The following STAT4 variants were observed in gnomAD, a reference collection of about 807,000 sequenced individuals.
STAT4 encodes signal transducer and activator of transcription 4.
STAT4 carries 42 observed loss-of-function variants against 110.5 expected under a neutral mutation model. The observed-to-expected ratio is 0.38, with a 90% CI of 0.30 to 0.49. The LOEUF (loss-of-function observed/expected upper bound fraction) is 0.49, where lower values mean the gene tolerates loss of function less well. Among genes scored for constraint, STAT4 ranks in the 20% least tolerant of loss-of-function variants. STAT4 has a pLI of 0.95. For missense variants in STAT4, 632 were observed against 887.9 expected, an observed-to-expected ratio of 0.71 and a Z score of 3.66; for synonymous variants, 284 against 302.2, an observed-to-expected ratio of 0.94 and a Z score of 0.63.
intron 3 of STAT4, among the ~76,000 whole-genome samples, chr2:191,133,492 G>A (rs1250488661): frequency 6.6e-6 from 1 of 151,542 alleles, no homozygotes; most frequent in Non-Finnish European, 1.5e-5. Context: ...GATGGGAGCA[G>A]CAGTAGTAAT....
At chr2:191,041,358 G>A (rs1388043471) in intron 14 of STAT4, 8 of 221,330 alleles carry the variant, frequency 3.6e-5, no homozygotes, top group Non-Finnish European at 6.8e-5. Flanking sequence ...ATGATTTTAA[G>A]TCTTCAAAAC....
Position 191,082,500 on chromosome 2 carries a change from T to C in STAT4, c.274-6175A>G, listed in dbSNP as rs1183090398. Among the ~76,000 whole-genome samples, 2 of 152,258 alleles carry C rather than the reference T, an allele frequency of 1.3e-5. No individual in the cohort carries two copies. Among genetic ancestry groups the C allele is most frequent in the Non-Finnish European group, 2.9e-5 (2 of 68,048 alleles). ...ACAGGCAATGACAACGATGTTGTGA[T>C]TGCCACATGGCAACAGCAATTAAGA... On this transcript the variant is annotated intron_variant, in intron 3 of 23. Transcript: ENST00000392320. This position sits in a 1 kb window ranked among gnomAD's most constrained non-coding sequence, Gnocchi z 4.7.
At position 191,050,602 on chromosome 2, in the gene STAT4, T is replaced by C. The variant is rs1696493742; in HGVS notation, c.1251+3888A>G. Among the ~76,000 whole-genome samples the C allele has an allele frequency of 6.6e-6, 1 of 152,104 alleles. No homozygotes were observed. The highest frequency in any genetic ancestry group is 6.5e-5 in the Admixed American group (1 of 15,280). ...AATGAGTCCAAATGTTTTTTTTTTT[T>C]GACCTTGGTACATATTCTTGAAAGT... On this transcript the variant is annotated intron_variant, in intron 14 of 23. Transcript: ENST00000392320. This position sits in a 1 kb window ranked among gnomAD's most constrained non-coding sequence, Gnocchi z 4.3.
At chr2:191,096,326 T>A (rs1697981758) in intron 3 of STAT4, among the ~76,000 whole-genome samples, 1 of 152,154 alleles carries the variant, frequency 6.6e-6, no homozygotes, top group South Asian at 2.1e-4. Context: ...AAAAAGAGAA[T>A]TTTAGACCAA....
intron 14 of STAT4, among the ~76,000 whole-genome samples, chr2:191,052,436 T>G (rs961393211): frequency 1.3e-5 from 2 of 152,214 alleles, no homozygotes; most frequent in Non-Finnish European, 2.9e-5. Context: ...CTGATACGAC[T>G]GTATGATTTT....
intron 3 of STAT4, among the ~76,000 whole-genome samples, chr2:191,109,174 C>T (rs1698358986): frequency 6.6e-6 from 1 of 152,150 alleles, no homozygotes; most frequent in African/African-American, 2.4e-5. Context: ...GGGGAATTAT[C>T]TCCATTTCTA....
intron 3 of STAT4, among the ~76,000 whole-genome samples, chr2:191,108,327 C>T (rs2125354178): frequency 6.6e-6 from 1 of 150,510 alleles, no homozygotes; most frequent in East Asian, 1.9e-4. Context: ...GTTTACCTTA[C>T]AGAGAAGTAA....
chr2:191,077,174 A>G lies in STAT4; in HGVS notation c.274-849T>C, dbSNP rs541008221. Among the ~76,000 whole-genome samples the G allele has an allele frequency of 2.0e-5, 3 of 152,318 alleles. No individual in the cohort carries two copies. Among genetic ancestry groups the G allele is most frequent in the Non-Finnish European group, 4.4e-5 (3 of 68,014 alleles). On this transcript the variant is annotated intron_variant, in intron 3 of 23. Coordinates refer to ENST00000392320, the MANE Select transcript of STAT4 (RefSeq NM_003151.4). This position sits in a 1 kb window ranked among gnomAD's most constrained non-coding sequence, Gnocchi z 4.1. ...AAGGTTAATGATGCAGATACTGTAAATTGGCAGCCTGTGGGCCTAATTCAG... is the reference window on the plus strand; with the variant it reads ...AAGGTTAATGATGCAGATACTGTAAGTTGGCAGCCTGTGGGCCTAATTCAG...
At position 191,107,245 on chromosome 2, in the gene STAT4, C is replaced by T. The variant is rs1473682449; in HGVS notation, c.274-30920G>A. On this transcript the variant is annotated intron_variant, in intron 3 of 23. Transcript: ENST00000392320. This position sits in a 1 kb window ranked among gnomAD's most constrained non-coding sequence, Gnocchi z 4.2. ...TATCCCCAGGGTCAAACCTAGCATG[C>T]TGACCTCAATATGTACTTGAAGCAT... is the stretch of plus-strand genomic sequence containing the variant. 6.6e-6 allele frequency among the ~76,000 whole-genome samples: 1 copy of T among 152,188 alleles called. No homozygotes were observed. The highest frequency in any genetic ancestry group is 6.5e-5 in the Admixed American group (1 of 15,278).
rs528309386 is a variant in STAT4 at position 191,090,197 on chromosome 2, C to A, written c.274-13872G>T. ...GAAAGTATTCTCTGTACTTTTTGCTCAATTTTTCTGTAAACCAAAGATTGC... is the reference window on the plus strand; with the variant it reads ...GAAAGTATTCTCTGTACTTTTTGCTAAATTTTTCTGTAAACCAAAGATTGC... On this transcript the variant is annotated intron_variant, in intron 3 of 23. Coordinates refer to ENST00000392320, the MANE Select transcript of STAT4 (RefSeq NM_003151.4). The surrounding 1 kb of genome is among the most constrained non-coding windows in gnomAD (Gnocchi z 4.2). 6.6e-6 allele frequency among the ~76,000 whole-genome samples: 1 copy of A among 152,140 alleles called. No individual in the cohort carries two copies. The highest frequency in any genetic ancestry group is 2.4e-5 in the African/African-American group (1 of 41,530).
intron 3 of STAT4, among the ~76,000 whole-genome samples, chr2:191,095,357 T>G (rs1697940202): frequency 6.6e-6 from 1 of 152,180 alleles, no homozygotes; most frequent in African/African-American, 2.4e-5. Context: ...GACCACATAG[T>G]TGGAAGTAAA....
At position 191,036,184 on chromosome 2, in the gene STAT4, A is replaced by C. The variant is rs1314004125; in HGVS notation, c.1550T>G (p.Met517Arg). Residue 517 changes from methionine to arginine, a missense_variant, in exon 17 of 24, where the codon ATG becomes AGG. Around this residue, in one of 4 missense-constraint regions of STAT4, gnomAD observed 488 missense variants for 632.8 expected, o/e 0.77. Coordinates refer to ENST00000392320, the MANE Select transcript of STAT4 (RefSeq NM_003151.4). ...GRGLNSDQLH[M>R]LAEKLTVQSS... ...CTCACCTGTAAGCTTCTCTGCCAGC[A>C]TATGGAGTTGATCTGAGTTAAGACC... The C allele has an allele frequency of 1.2e-6, 2 of 1,614,158 alleles. No individual in the cohort carries two copies. Among genetic ancestry groups the C allele is most frequent in the Non-Finnish European group, 1.7e-6 (2 of 1,180,016 alleles).
chr2:191,066,526 A>G lies in STAT4; in HGVS notation c.545-11T>C, dbSNP rs1464707225. 3 of 1,611,422 alleles carry G rather than the reference A, an allele frequency of 1.9e-6. No homozygotes were observed. The highest frequency in any genetic ancestry group is 1.1e-5 in the South Asian group (1 of 90,942). On this transcript the variant is annotated splice_polypyrimidine_tract_variant and intron_variant, in intron 6 of 23. Transcript: ENST00000392320. This position sits in a 1 kb window ranked among gnomAD's most constrained non-coding sequence, Gnocchi z 4.3. ...TCTTGTCACTCTGATCTGCAAAGGT[A>G]AAGAGATCAGATTTAGAGTTCTCTC... is the stretch of plus-strand genomic sequence containing the variant.
intron 3 of STAT4, among the ~76,000 whole-genome samples, chr2:191,097,567 A>T (rs1206020173): frequency 6.6e-6 from 1 of 152,252 alleles, no homozygotes; most frequent in Non-Finnish European, 1.5e-5. Flanking sequence ...GGCTAGCCAT[A>T]TGTAGAAAAC....
chr2:191,039,323 T>G lies in STAT4; in HGVS notation c.1336-26A>C, dbSNP rs1291063992. The G allele has an allele frequency of 5.0e-6, 8 of 1,597,854 alleles. No homozygotes were observed. Among genetic ancestry groups the G allele is most frequent in the East Asian group, 2.2e-5 (1 of 44,808 alleles). ...CTGGTTTGGGGGGAAAAAAGCATAG[T>G]TATTACAGGTAGTCCCACCTTACAT... is the stretch of plus-strand genomic sequence containing the variant. On this transcript the variant is annotated intron_variant, in intron 15 of 23. Transcript: ENST00000392320. The surrounding 1 kb of genome is among the most constrained non-coding windows in gnomAD (Gnocchi z 4.7).
chr2:191,058,866 T>C lies in STAT4; in HGVS notation c.1035-97A>G. ...AAACATTTAAATATACTATGAAATA[T>C]GCATATAAATAAACCTTACATTATC... On this transcript the variant is annotated intron_variant, in intron 10 of 23. Transcript: ENST00000392320. The surrounding 1 kb of genome is among the most constrained non-coding windows in gnomAD (Gnocchi z 4.3). The C allele has an allele frequency of 2.9e-6, 2 of 682,682 alleles. No homozygotes were observed. Among genetic ancestry groups the C allele is most frequent in the Non-Finnish European group, 5.0e-6 (2 of 400,168 alleles). The allele number at this position is 682,682 out of a possible 1,614,324, so 42.3% of individuals were successfully genotyped here. A position where few individuals can be genotyped will look rare whatever the true frequency, so the allele number is the denominator to read the frequency against.
rs1358784664 is a variant in STAT4, at chr2:191,143,740, A to ATGAAAATAT, written c.273+2864_273+2872dup. Among the ~76,000 whole-genome samples, 1 of 152,146 alleles carries ATGAAAATAT rather than the reference A, an allele frequency of 6.6e-6. No homozygotes were observed. Among genetic ancestry groups the ATGAAAATAT allele is most frequent in the Non-Finnish European group, 1.5e-5 (1 of 68,032 alleles). ...TGGTTTGTATTTAAAATCCCAGAGG[A>ATGAAAATAT]TGAAAATATTTAAACCAGATAAGCA... On this transcript the variant is annotated intron_variant, in intron 3 of 23. Coordinates refer to ENST00000392320, the MANE Select transcript of STAT4 (RefSeq NM_003151.4). This position sits in a 1 kb window ranked among gnomAD's most constrained non-coding sequence, Gnocchi z 5.6.
intron 6 of STAT4, among the ~76,000 whole-genome samples, chr2:191,069,290 A>G (rs1697079743): frequency 6.6e-6 from 1 of 152,100 alleles, no homozygotes; most frequent in South Asian, 2.1e-4. Flanking sequence ...TTAGAAAATT[A>G]TATTATTAAA....
At chr2:191,141,396 CATATAT>C (rs1023722920) in intron 3 of STAT4, among the ~76,000 whole-genome samples, 2 of 145,976 alleles carry the variant, frequency 1.4e-5, no homozygotes, top group Non-Finnish European at 3.0e-5. Flanking sequence ...ATATATATAT[CATATAT>C]ATACATATAC....
Sources: allele counts gnomAD v4.1 joint callset (sites outside exome capture counted in the v4.1 genomes callset), GRCh38; gene constraint gnomAD v4.1.1; regional missense constraint gnomAD v4.1.1; non-coding constraint Gnocchi (gnomAD v3.1); transcripts MANE v1.5; gene names NCBI Gene and HGNC (gene_info 2026-07-23, HGNC 2026-07-21).